NSMAF: variants seen among roughly 807,000 people sequenced by gnomAD.
NSMAF encodes neutral sphingomyelinase activation associated factor, also known as protein FAN.
A neutral mutation model predicts 134.9 loss-of-function variants in NSMAF; 90 were observed. The observed-to-expected ratio is 0.67, with a 90% CI of 0.56 to 0.79. The LOEUF (loss-of-function observed/expected upper bound fraction) is 0.79, where lower values mean the gene tolerates loss of function less well. Among genes scored for constraint, NSMAF ranks in the 30% least tolerant of loss-of-function variants. The pLI is 0.00. For missense variants in NSMAF, 1,010 were observed against 1,119.0 expected, an observed-to-expected ratio of 0.90 and a Z score of 1.39; for synonymous variants, 358 against 389.6, an observed-to-expected ratio of 0.92 and a Z score of 0.96.
At chr8:58,655,630 G>A (rs1478312795) in intron 1 of NSMAF, among the ~76,000 whole-genome samples, 1 of 152,112 alleles carries the variant, frequency 6.6e-6, no homozygotes, top group East Asian at 1.9e-4. Context: ...AGGAAGACAT[G>A]TGAATTGCCT....
At chr8:58,654,165 A>G (rs1807648868) in intron 1 of NSMAF, among the ~76,000 whole-genome samples, 1 of 152,206 alleles carries the variant, frequency 6.6e-6, no homozygotes. Context: ...TATCCCACAA[A>G]CAGATCTGAA....
chr8:58,653,881 C>A (rs1807641888), intron 1 of NSMAF, among the ~76,000 whole-genome samples: 1 of 152,130 alleles, frequency 6.6e-6, no homozygotes, highest in Non-Finnish European at 1.5e-5. Flanking sequence ...ATTCCTGTGA[C>A]TTCTCAATGG....
At chr8:58,591,238 A>C (rs1307299910) in intron 23 of NSMAF, among the ~76,000 whole-genome samples, 2 of 152,156 alleles carry the variant, frequency 1.3e-5, no homozygotes, top group Non-Finnish European at 2.9e-5. Context: ...TATATGCAGA[A>C]AGTTACAGGG....
chr8:58,600,239 T>C (rs1207475350), intron 16 of NSMAF: 11 of 574,296 alleles, frequency 1.9e-5, no homozygotes, highest in Non-Finnish European at 2.8e-5. Flanking sequence ...ATGGCGGGAG[T>C]GGGCATAGAG....
intron 16 of NSMAF, among the ~76,000 whole-genome samples, chr8:58,600,341 C>G (rs1248411333): frequency 6.6e-6 from 1 of 152,076 alleles, no homozygotes; most frequent in Non-Finnish European, 1.5e-5. Flanking sequence ...ATTAGCACCA[C>G]TGGTAGGGCG....
intron 6 of NSMAF, among the ~76,000 whole-genome samples, chr8:58,625,589 A>G (rs953008132): frequency 6.6e-6 from 1 of 152,190 alleles, no homozygotes; most frequent in Admixed American, 6.5e-5. Flanking sequence ...CTTGTCTGAT[A>G]TAAGTATGGC....
At chr8:58,649,065 G>T (rs1393204390) in intron 1 of NSMAF, among the ~76,000 whole-genome samples, 6 of 152,230 alleles carry the variant, frequency 3.9e-5, no homozygotes, top group Non-Finnish European at 8.8e-5. Flanking sequence ...TCCAACCTGT[G>T]AAAGCAGCCA....
chr8:58,589,155 T>C (rs942011187), intron 26 of NSMAF, among the ~76,000 whole-genome samples: 2 of 148,030 alleles, frequency 1.4e-5, no homozygotes, highest in African/African-American at 4.9e-5. Context: ...ATATAATATG[T>C]ATTATATAAA....
chr8:58,607,831 C>A lies in NSMAF; in HGVS notation c.697G>T (p.Val233Phe), dbSNP rs1409270577. 2 of 1,613,700 alleles carry A rather than the reference C, an allele frequency of 1.2e-6. No individual in the cohort carries two copies. Among genetic ancestry groups the A allele is most frequent in the Non-Finnish European group, 1.7e-6 (2 of 1,179,620 alleles). ...QPLNGYPKPV[V>F]QITLQDVRRI... ...CGGACATCTTGGAGTGTTATCTGGA[C>A]CACAGGTTTCTTTAAAAGTAGAAAG... The change falls in exon 11 of 31, where the codon GTC becomes TTC. Residue 233 changes from valine (V) to phenylalanine (F), a missense_variant. By Grantham distance (50) the Val-to-Phe change is conservative (BLOSUM62 -1). Transcript: ENST00000038176.
intron 24 of NSMAF, 57 bp from the exon 25 acceptor site, chr8:58,590,131 C>T (rs1170828187): frequency 2.1e-6 from 3 of 1,448,058 alleles, no homozygotes; most frequent in Non-Finnish European, 2.9e-6. Flanking sequence ...GTCTCTAACA[C>T]AGTAAAGCTA....
In NSMAF at chr8:58,659,608, C is replaced by T. The variant is rs539815350; in HGVS notation, c.24G>A (p.Gln8=). Residue 8 remains glutamine, a synonymous_variant, in exon 1 of 31, where the codon CAG becomes CAA. Coordinates refer to ENST00000038176, the MANE Select transcript of NSMAF (RefSeq NM_003580.4). The part of the protein sequence containing the change: MAFIRKK[Q]QEQQLQLYSK... The stretch of plus-strand genomic sequence containing the variant: ...AGTAGAGCTGCAGCTGCTGCTCCTG[C>T]TGCTTCTTCCGGATAAACGCCATGG... 1 of 1,491,308 alleles carries T rather than the reference C, an allele frequency of 6.7e-7. No individual in the cohort carries two copies. The allele number at this position is 1,491,308 out of a possible 1,614,324, so 92.4% of individuals were successfully genotyped here. A position where few individuals can be genotyped will look rare whatever the true frequency, so the allele number is the denominator to read the frequency against.
chr8:58,599,276 A>T lies in NSMAF; in HGVS notation c.1541T>A (p.Phe514Tyr). The T allele has an allele frequency of 1.2e-6, 2 of 1,613,988 alleles. No individual in the cohort carries two copies. Among genetic ancestry groups the T allele is most frequent in the Non-Finnish European group, 1.7e-6 (2 of 1,179,872 alleles). The change falls in exon 19 of 31, where the codon TTT becomes TAT. Residue 514 changes from phenylalanine (F) to tyrosine (Y), a missense_variant. By Grantham distance (22) the Phe-to-Tyr change is conservative. Transcript: ENST00000038176. ...EHLHEWIDLI[F>Y]GYKQKGSDAV... ...ATCACTCCCTTTTTGTTTGTAGCCA[A>T]ATATTAGATCAATCCACTCGTGAAG...
chr8:58,618,512 G>A (rs1585744944), intron 9 of NSMAF, among the ~76,000 whole-genome samples: 1 of 152,042 alleles, frequency 6.6e-6, no homozygotes, highest in Non-Finnish European at 1.5e-5. Context: ...ACTTATGGGA[G>A]AAGTGTTATG....
chr8:58,585,527 T>C, intron 30 of NSMAF, 125 bp downstream of exon 30: 1 of 665,968 alleles, frequency 1.5e-6, no homozygotes, highest in Non-Finnish European at 2.6e-6. Context: ...TCCAGGGACA[T>C]GTTTACGACA....
At chr8:58,644,050 C>T (rs918685119) in intron 1 of NSMAF, among the ~76,000 whole-genome samples, 3 of 152,090 alleles carry the variant, frequency 2.0e-5, no homozygotes, top group Non-Finnish European at 4.4e-5. Context: ...GAAGTGAAAA[C>T]AGGCATTTTT....
chr8:58,645,147 T>C (rs1383865850), intron 1 of NSMAF, among the ~76,000 whole-genome samples: 1 of 150,424 alleles, frequency 6.6e-6, no homozygotes, highest in Non-Finnish European at 1.5e-5. Flanking sequence ...CAGTATCAGG[T>C]ACCAAGAGGA....
chr8:58,603,155 A>G (rs1806323601), intron 13 of NSMAF, 55 bp downstream of exon 13: 3 of 1,504,562 alleles, frequency 2.0e-6, no homozygotes, highest in Non-Finnish European at 2.8e-6. Context: ...TTTAAAAACA[A>G]TACAGATGAC....
At chr8:58,659,257 C>A in intron 1 of NSMAF, 8 of 1,508,530 alleles carry the variant, frequency 5.3e-6, no homozygotes, top group Middle Eastern at 2.2e-4. Context: ...CGCGGCCTTC[C>A]GGGTGAGCTG....
intron 1 of NSMAF, among the ~76,000 whole-genome samples, chr8:58,648,826 G>C (rs1585766006): frequency 6.6e-6 from 1 of 152,358 alleles, no homozygotes; most frequent in South Asian, 2.1e-4. Flanking sequence ...AGATTTCAGA[G>C]GATGTGTGAA....
Sources: allele counts gnomAD v4.1 joint callset (sites outside exome capture counted in the v4.1 genomes callset), GRCh38; gene constraint gnomAD v4.1.1; transcripts MANE v1.5; gene names NCBI Gene and HGNC (gene_info 2026-07-23, HGNC 2026-07-21).